UBP1: variants seen among roughly 807,000 people sequenced by gnomAD.
The protein encoded by UBP1 is upstream-binding protein 1.
UBP1 carries 22 observed loss-of-function variants against 76.1 expected under a neutral mutation model. The ratio of observed to expected loss-of-function variants is 0.29; its 90% confidence interval spans 0.21 to 0.41. The LOEUF is 0.41. Among genes scored for constraint, UBP1 ranks in the 10% least tolerant of loss-of-function variants. The pLI, the probability that UBP1 is intolerant of heterozygous loss-of-function variation, is 1.00. For missense variants in UBP1, 436 were observed against 668.1 expected, an observed-to-expected ratio of 0.65 and a Z score of 3.83; for synonymous variants, 224 against 237.1, an observed-to-expected ratio of 0.94 and a Z score of 0.51.
chr3:33,415,449 A>G (rs773597215), intron 3 of UBP1, among the ~76,000 whole-genome samples: 12 of 152,358 alleles, frequency 7.9e-5, no homozygotes, highest in Admixed American at 2.6e-4. Context: ...GGAATAGATG[A>G]AACAAGTCTG....
At chr3:33,407,270 A>C (rs1234476003) in intron 8 of UBP1, among the ~76,000 whole-genome samples, 1 of 152,186 alleles carries the variant, frequency 6.6e-6, no homozygotes, top group Non-Finnish European at 1.5e-5. Context: ...AAGAATCATT[A>C]AGAATTTACC....
chr3:33,389,816 C>G lies in UBP1; in HGVS notation c.*515G>C, dbSNP rs1416645614. 1.3e-5 allele frequency: 2 copies of G among 154,232 alleles called. No homozygotes were observed. Among genetic ancestry groups the G allele is most frequent in the East Asian group, 1.9e-4 (1 of 5,222 alleles). The allele number at this position is 154,232 out of a possible 1,614,324, so 9.6% of individuals were successfully genotyped here. On this transcript the variant is annotated 3_prime_UTR_variant, in exon 16 of 16. Transcript: ENST00000283629. ...GATTTCTTCCAAGAAGGTGCCGAGC[C>G]TCTTACCTGACCACCAACGGCCACA...
rs1324933888 is a variant in UBP1 at position 33,426,036 on chromosome 3, TATAG to T, written c.114-299_114-296del. 1.1e-3 allele frequency among the ~76,000 whole-genome samples: 94 copies of T among 86,396 alleles called. 4 individuals carry two copies. The highest frequency in any genetic ancestry group is 9.4e-3 in the East Asian group (11 of 1,174). The allele number at this position is 86,396 out of a possible 152,430, so 56.7% of individuals were successfully genotyped here. A position where few individuals can be genotyped will look rare whatever the true frequency, so the allele number is the denominator to read the frequency against. On this transcript the variant is annotated intron_variant, in intron 1 of 15. Transcript: ENST00000283629. ...ATATATATATATATATATATATATA[TATAG>T]CACTTTAAAAACTTCTTTTAAAACT...
At chr3:33,396,816 T>C (rs1167120839) in intron 12 of UBP1, 1 of 666,858 alleles carries the variant, frequency 1.5e-6, no homozygotes, top group Non-Finnish European at 2.8e-6. Flanking sequence ...CCCATGTGCA[T>C]TTCTACCAGT....
intron 11 of UBP1, among the ~76,000 whole-genome samples, 197 bp downstream of exon 11, chr3:33,399,992 T>TG (rs2044160311): frequency 6.6e-6 from 1 of 152,246 alleles, no homozygotes. Context: ...CAATGTCAAC[T>TG]GCCTGGCTTC....
intron 11 of UBP1, 42 bp from the exon 12 acceptor site, chr3:33,397,177 A>G: frequency 6.8e-7 from 1 of 1,462,968 alleles, no homozygotes; most frequent in Non-Finnish European, 9.3e-7. Flanking sequence ...AAATGGAAAA[A>G]GAACAGAACT....
intron 11 of UBP1, chr3:33,398,061 T>C (rs969650577): frequency 1.3e-5 from 2 of 152,180 alleles, no homozygotes; most frequent in African/African-American, 4.8e-5. Context: ...TTTTTGAAGG[T>C]AGGAGATGGC....
chr3:33,432,698 A>G (rs2154059838), intron 1 of UBP1, among the ~76,000 whole-genome samples: 1 of 152,348 alleles, frequency 6.6e-6, no homozygotes, highest in Non-Finnish European at 1.5e-5. Context: ...CAAAATCATA[A>G]AAGAAGGAAA....
intron 13 of UBP1, 69 bp from the exon 14 acceptor site, chr3:33,393,523 T>C (rs2043850739): frequency 6.7e-7 from 1 of 1,499,088 alleles, no homozygotes; most frequent in Non-Finnish European, 9.0e-7. Flanking sequence ...GCCTGATCTG[T>C]AGGATCTGTA....
intron 12 of UBP1, chr3:33,396,589 ACAC>A (rs1267020798): frequency 1.5e-5 from 6 of 401,426 alleles, no homozygotes; most frequent in African/African-American, 1.2e-4. Context: ...TGGAATTCTC[ACAC>A]CACAAGTATA....
chr3:33,412,813 A>G lies in UBP1; in HGVS notation c.357T>C (p.Val119=). ...ATTGTAGCCGTCTGTCATGGAATACAACCCTTATGATGCTCTGTGGAATAA... is the reference window on the plus strand; with the variant it reads ...ATTGTAGCCGTCTGTCATGGAATACGACCCTTATGATGCTCTGTGGAATAA... The part of the protein sequence containing the change: ...NGKLVKSIIR[V]VFHDRRLQYT... The change falls in exon 4 of 16, where the codon GTT becomes GTC. Residue 119 remains valine, a synonymous_variant. Transcript: ENST00000283629. The G allele has an allele frequency of 6.2e-7, 1 of 1,613,276 alleles. No homozygotes were observed. The highest frequency in any genetic ancestry group is 1.1e-5 in the South Asian group (1 of 91,062).
intron 15 of UBP1, chr3:33,392,334 T>C (rs1420307205): frequency 3.3e-5 from 15 of 448,638 alleles, no homozygotes; most frequent in Non-Finnish European, 5.5e-5. Context: ...CAGTAAGACG[T>C]TGGCTGAATG....
intron 4 of UBP1, among the ~76,000 whole-genome samples, chr3:33,412,386 T>C (rs1444533644): frequency 6.6e-6 from 1 of 151,826 alleles, no homozygotes; most frequent in Non-Finnish European, 1.5e-5. Context: ...TATATATGTA[T>C]GTGTGTGCGT....
In UBP1 at chr3:33,436,952, C is replaced by T. The variant is rs141120941; in HGVS notation, c.113+2784G>A. 6.6e-5 allele frequency among the ~76,000 whole-genome samples: 10 copies of T among 152,266 alleles called. No homozygotes were observed. In the East Asian group the frequency reaches 1.9e-3, roughly 29 times the overall value. Reference sequence around the variant, plus strand: ...AAAGGTTTCTAAGGAAGGTCTCTATCCATCTCTAAAATCCTGTTACTGTAA... The same window carrying T: ...AAAGGTTTCTAAGGAAGGTCTCTATTCATCTCTAAAATCCTGTTACTGTAA... On this transcript the variant is annotated intron_variant, in intron 1 of 15. Transcript: ENST00000283629.
chr3:33,398,535 C>T (rs1417817394), intron 11 of UBP1: 4 of 152,466 alleles, frequency 2.6e-5, no homozygotes, highest in Non-Finnish European at 5.9e-5. Context: ...TGTGAATGCC[C>T]CCAAGGATCA....
At chr3:33,440,534 G>A (rs2045281574), upstream of UBP1, 1 of 152,124 alleles carries the variant, frequency 6.6e-6, no homozygotes, top group South Asian at 2.1e-4. Context: ...AGTGCAATGC[G>A]GCCCCGCCCA....
At chr3:33,420,630 A>C (rs952753334) in intron 2 of UBP1, among the ~76,000 whole-genome samples, 1 of 152,102 alleles carries the variant, frequency 6.6e-6, no homozygotes, top group African/African-American at 2.4e-5. Flanking sequence ...CTGGGACTAC[A>C]GGCACATGCC....
chr3:33,419,331 C>T (rs2044821109), intron 2 of UBP1, among the ~76,000 whole-genome samples: 6 of 152,094 alleles, frequency 3.9e-5, no homozygotes, highest in Admixed American at 3.9e-4. Flanking sequence ...CCCGTCTCTA[C>T]TAAAAATACA....
intron 3 of UBP1, 104 bp downstream of exon 3, chr3:33,416,654 A>T: frequency 1.1e-6 from 1 of 870,454 alleles, no homozygotes; most frequent in South Asian, 2.0e-5. Context: ...TAAAGTTAAA[A>T]AGTTGTAATA....
Sources: gnomAD v4.1 joint callset for allele counts (sites outside exome capture counted in the v4.1 genomes callset) on GRCh38, gnomAD v4.1.1 for gene constraint, MANE v1.5 for transcripts, NCBI Gene and HGNC (gene_info 2026-07-23, HGNC 2026-07-21) for gene names.